ITGA9: variants seen among roughly 807,000 people sequenced by gnomAD.
ITGA9 encodes integrin subunit alpha 9.
In ITGA9, 56 loss-of-function variants were observed where a neutral mutation model predicts 127.8. That is an observed-to-expected ratio of 0.44 (90% CI 0.35 to 0.55). The LOEUF (loss-of-function observed/expected upper bound fraction) is 0.55. Ranked by LOEUF, ITGA9 falls within the 20% of genes least tolerant of loss-of-function variation. The pLI is 0.00. For synonymous variants in ITGA9, 508 were observed against 514.5 expected (o/e 0.99, Z 0.17); for missense variants, 1,196 against 1,347.1 (o/e 0.89, Z 1.76).
rs541307036 is a variant in ITGA9 at position 37,522,207 on chromosome 3, A to T, written c.1237-1314A>T. Among the ~76,000 whole-genome samples the T allele has an allele frequency of 2.0e-5, 3 of 152,234 alleles. No homozygotes were observed. In the South Asian group the frequency reaches 6.2e-4, roughly 32 times the overall value. On this transcript the variant is annotated intron_variant, in intron 11 of 27. Coordinates refer to ENST00000264741, the MANE Select transcript of ITGA9 (RefSeq NM_002207.3). ...AGCATTTCTCTTGTCCTCCACAGTGAGGACATCAGGAAGTGAGCCTCCCCT... is the reference window on the plus strand; with the variant it reads ...AGCATTTCTCTTGTCCTCCACAGTGTGGACATCAGGAAGTGAGCCTCCCCT...
At chr3:37,746,803 GT>G in intron 22 of ITGA9, among the ~76,000 whole-genome samples, 1 of 152,144 alleles carries the variant, frequency 6.6e-6, no homozygotes, top group Non-Finnish European at 1.5e-5. Flanking sequence ...TGCTCTATCA[GT>G]TTTTATCTAT....
chr3:37,573,443 G>A (rs758271006), intron 15 of ITGA9, among the ~76,000 whole-genome samples: 10 of 152,176 alleles, frequency 6.6e-5, no homozygotes, highest in Non-Finnish European at 1.5e-4. Context: ...CAGACTCAGT[G>A]TTCCATGATA....
chr3:37,557,860 A>T (rs753250663), intron 15 of ITGA9, among the ~76,000 whole-genome samples: 5 of 152,326 alleles, frequency 3.3e-5, no homozygotes, highest in African/African-American at 4.8e-5. Context: ...GATTTAGAGC[A>T]TTTAATTTAT....
At chr3:37,506,638 C>T (rs1438688982) in intron 7 of ITGA9, among the ~76,000 whole-genome samples, 1 of 152,156 alleles carries the variant, frequency 6.6e-6, no homozygotes, top group Non-Finnish European at 1.5e-5. Flanking sequence ...AAAACCCACC[C>T]CCTGGATCTA....
In ITGA9 at chr3:37,599,873, G is replaced by A. The variant is rs568755625; in HGVS notation, c.1690-29314G>A. ...ATTCTAATTATTTAGTTTGGAAAAT[G>A]TAGTCTCTGTAGGTTTACCCTTCCC... On this transcript the variant is annotated intron_variant, in intron 15 of 27. Transcript: ENST00000264741. 1.9e-4 allele frequency among the ~76,000 whole-genome samples: 29 copies of A among 152,312 alleles called. No homozygotes were observed. The South Asian group carries it at 6.0e-3, about 32-fold the overall frequency.
At chr3:37,481,115 C>T (rs1353311748) in intron 3 of ITGA9, among the ~76,000 whole-genome samples, 1 of 152,172 alleles carries the variant, frequency 6.6e-6, no homozygotes, top group Non-Finnish European at 1.5e-5. Flanking sequence ...TTCTGCTATC[C>T]TTTGAATCCT....
intron 15 of ITGA9, among the ~76,000 whole-genome samples, chr3:37,595,380 C>T (rs749404157): frequency 3.9e-5 from 6 of 152,284 alleles, no homozygotes; most frequent in Non-Finnish European, 5.9e-5. Context: ...CAGGGGATTC[C>T]GGTGGCCAGG....
At position 37,456,583 on chromosome 3, in the gene ITGA9, G is replaced by A. The variant is rs540869679; in HGVS notation, c.185+4024G>A. ...GCCCTGGAGTCCAAAGTGGTTGGGT[G>A]CACTGGCTTCCTTTCTGGAGACGTG... On this transcript the variant is annotated intron_variant, in intron 1 of 27. Transcript: ENST00000264741. Among the ~76,000 whole-genome samples, 5 of 152,330 alleles carry A rather than the reference G, an allele frequency of 3.3e-5. No homozygotes were observed. In the South Asian group the frequency reaches 1.0e-3, roughly 32 times the overall value.
At chr3:37,757,059 T>C (rs922005411) in intron 23 of ITGA9, among the ~76,000 whole-genome samples, 1 of 151,552 alleles carries the variant, frequency 6.6e-6, no homozygotes, top group African/African-American at 2.4e-5. Context: ...ATGTGGAAAA[T>C]AGGGAAGACT....
At chr3:37,485,566 A>G (rs1413037761) in intron 4 of ITGA9, among the ~76,000 whole-genome samples, 1 of 152,242 alleles carries the variant, frequency 6.6e-6, no homozygotes, top group South Asian at 2.1e-4. Flanking sequence ...CCATTGTTCT[A>G]TAACTGTGGC....
intron 17 of ITGA9, among the ~76,000 whole-genome samples, chr3:37,658,810 G>T (rs183937106): frequency 4.8e-4 from 73 of 152,286 alleles, no homozygotes; most frequent in Non-Finnish European, 7.8e-4. Flanking sequence ...GCGTGTTTTT[G>T]CAGTGGCTGG....
intron 23 of ITGA9, among the ~76,000 whole-genome samples, chr3:37,768,956 T>C (rs1051893829): frequency 1.3e-5 from 2 of 152,222 alleles, no homozygotes; most frequent in African/African-American, 2.4e-5. Flanking sequence ...TTGGTGACCC[T>C]CCCTATCCTT....
At chr3:37,490,393 G>T (rs1357633556) in intron 4 of ITGA9, among the ~76,000 whole-genome samples, 1 of 152,188 alleles carries the variant, frequency 6.6e-6, no homozygotes, top group Non-Finnish European at 1.5e-5. Context: ...GTGAAATTCA[G>T]AATAAAGACT....
intron 15 of ITGA9, among the ~76,000 whole-genome samples, chr3:37,613,483 A>G (rs780373911): frequency 3.2e-4 from 49 of 152,208 alleles, no homozygotes; most frequent in Non-Finnish European, 6.2e-4. Context: ...ATACCCAGTA[A>G]TGGGATGGCT....
rs113676846 is a variant in ITGA9 at position 37,585,760 on chromosome 3, G to A, written c.1689+43175G>A. ...ACACTAATATGCCTGACTCCATAGA[G>A]CAGTGTATTTGGTTTTCTTAAGCAG... On this transcript the variant is annotated intron_variant, in intron 15 of 27. Transcript: ENST00000264741. 3.4e-3 allele frequency: 1,306 copies of A among 387,862 alleles called. 1 individual carries two copies. The highest frequency in any genetic ancestry group is 5.7e-3 in the Non-Finnish European group (1,084 of 191,114). The allele number at this position is 387,862 out of a possible 1,614,324, so 24.0% of individuals were successfully genotyped here. A position where few individuals can be genotyped will look rare whatever the true frequency, so the allele number is the denominator to read the frequency against.
chr3:37,752,665 C>T lies in ITGA9; in HGVS notation c.2541+2096C>T, dbSNP rs746921325. Among the ~76,000 whole-genome samples, 99 of 152,328 alleles carry T rather than the reference C, an allele frequency of 6.5e-4. 1 individual carries two copies. The highest frequency in any genetic ancestry group is 3.9e-4 in the Admixed American group (6 of 15,302). On this transcript the variant is annotated intron_variant, in intron 23 of 27. Coordinates refer to ENST00000264741, the MANE Select transcript of ITGA9 (RefSeq NM_002207.3). ...GGGCCCTGGGCTGTCACCCTACCTA[C>T]GGACCCACGTGTGGCACAGTTTTCT... is the stretch of plus-strand genomic sequence containing the variant.
At chr3:37,517,103 A>C (rs890618671) in intron 9 of ITGA9, among the ~76,000 whole-genome samples, 1 of 152,248 alleles carries the variant, frequency 6.6e-6, no homozygotes, top group Non-Finnish European at 1.5e-5. Flanking sequence ...ACAGGAAAGA[A>C]AAAATAGAAA....
rs1699884492 is a variant in ITGA9, at chr3:37,597,985, T to C, written c.1690-31202T>C. Among the ~76,000 whole-genome samples the C allele has an allele frequency of 6.6e-6, 1 of 152,190 alleles. No homozygotes were observed. The highest frequency in any genetic ancestry group is 2.4e-5 in the African/African-American group (1 of 41,458). On this transcript the variant is annotated intron_variant, in intron 15 of 27. Transcript: ENST00000264741. The surrounding 1 kb of genome is among the most constrained non-coding windows in gnomAD (Gnocchi z 4.6). ...AGGCAGAATTGGGCCCTTGATAAGA[T>C]CATCCTAACACAGAGGCAGATGTAG...
chr3:37,767,513 T>C (rs1014494693), intron 23 of ITGA9, among the ~76,000 whole-genome samples: 7 of 152,336 alleles, frequency 4.6e-5, no homozygotes, highest in Admixed American at 4.6e-4. Context: ...AACTTCTTGC[T>C]CCACCTGCTC....
Sources: allele counts gnomAD v4.1 joint callset (sites outside exome capture counted in the v4.1 genomes callset), GRCh38; gene constraint gnomAD v4.1.1; non-coding constraint Gnocchi (gnomAD v3.1); transcripts MANE v1.5; gene names NCBI Gene and HGNC (gene_info 2026-07-23, HGNC 2026-07-21).